The following PARVB variants were observed in gnomAD, a reference collection of about 807,000 sequenced individuals.
PARVB encodes parvin beta.
Under a neutral mutation model 47.0 loss-of-function variants are expected in PARVB, and 46 were observed. That is an observed-to-expected ratio of 0.98 (90% CI 0.77 to 1.25). The LOEUF (loss-of-function observed/expected upper bound fraction) is 1.25, where lower values mean the gene tolerates loss of function less well. Among genes scored for constraint, PARVB ranks in the 50% most tolerant of loss-of-function variants. The pLI, the probability that PARVB is intolerant of heterozygous loss-of-function variation, is 0.00. For synonymous variants in PARVB, 196 were observed against 196.3 expected (o/e 1.00, Z 0.01); for missense variants, 473 against 471.6 (o/e 1.00, Z -0.03).
Position 44,071,396 on chromosome 22 carries a change from A to G in PARVB, c.113-22532A>G, listed in dbSNP as rs139824973. 2.2e-3 allele frequency among the ~76,000 whole-genome samples: 331 copies of G among 152,284 alleles called. 1 individual carries two copies. Among genetic ancestry groups the G allele is most frequent in the African/African-American group, 7.6e-3 (317 of 41,552 alleles). ...ATCCACTGGGCTTCCTAAAATGCAA[A>G]CGAATTGAAAAGCTGTGCTGAATGT... On this transcript the variant is annotated intron_variant, in intron 1 of 12. Coordinates refer to ENST00000338758, the MANE Select transcript of PARVB (RefSeq NM_013327.5).
intron 6 of PARVB, 92 bp from the exon 7 acceptor site, chr22:44,136,368 A>G: frequency 9.0e-7 from 1 of 1,116,212 alleles, no homozygotes; most frequent in Non-Finnish European, 1.4e-6. Context: ...TTCTAAGATG[A>G]TCTCCGGCCC....
intron 7 of PARVB, among the ~76,000 whole-genome samples, chr22:44,137,769 C>G (rs1419129381): frequency 1.3e-5 from 2 of 152,124 alleles, no homozygotes; most frequent in Admixed American, 1.3e-4. Context: ...AGGGTGCTCT[C>G]AGGGTCCTGA....
At chr22:44,008,003 T>C (rs996955836) in intron 2 of PARVB, among the ~76,000 whole-genome samples, 7 of 152,224 alleles carry the variant, frequency 4.6e-5, no homozygotes, top group Admixed American at 2.0e-4. Context: ...CAGAATTTCA[T>C]GTATATACGC....
chr22:44,147,553 A>C, intron 8 of PARVB: 1 of 478,448 alleles, frequency 2.1e-6, no homozygotes, highest in Non-Finnish European at 4.0e-6. Context: ...AGGACGTGGC[A>C]GGTGCAGATG....
chr22:44,051,463 C>T (rs1289892648), intron 1 of PARVB, among the ~76,000 whole-genome samples: 1 of 152,174 alleles, frequency 6.6e-6, no homozygotes, highest in African/African-American at 2.4e-5. Context: ...TGTGGAGAGA[C>T]AAGCAGGTGA....
chr22:44,077,234 T>A (rs1325300399), intron 1 of PARVB, among the ~76,000 whole-genome samples: 1 of 152,194 alleles, frequency 6.6e-6, no homozygotes, highest in Admixed American at 6.5e-5. Flanking sequence ...GGATCCCCCT[T>A]GGCCTCTTCC....
In PARVB at chr22:44,057,856, G is replaced by A. The variant is rs193168381; in HGVS notation, c.112+33405G>A. Among the ~76,000 whole-genome samples, 32 of 152,172 alleles carry A rather than the reference G, an allele frequency of 2.1e-4. No homozygotes were observed. The East Asian group carries it at 6.0e-3, about 29-fold the overall frequency. ...TGCTTGCCTTGAGGGGAGGTTGGAC[G>A]GCTCAAGCAGGGACCAGGAGCCTCC... On this transcript the variant is annotated intron_variant, in intron 1 of 12. Coordinates refer to ENST00000338758, the MANE Select transcript of PARVB (RefSeq NM_013327.5).
At chr22:44,056,838 A>G (rs1424661272) in intron 1 of PARVB, among the ~76,000 whole-genome samples, 1 of 151,392 alleles carries the variant, frequency 6.6e-6, no homozygotes, top group East Asian at 1.9e-4. Context: ...GGTAATGATG[A>G]TAGCTCTCAG....
At chr22:44,005,088 A>C (rs1383091036) in intron 2 of PARVB, among the ~76,000 whole-genome samples, 1 of 152,156 alleles carries the variant, frequency 6.6e-6, no homozygotes, top group Non-Finnish European at 1.5e-5. Flanking sequence ...AATGATTAAA[A>C]AAATTTTATA....
intron 3 of PARVB, chr22:44,116,370 G>T (rs1025903109): frequency 6.6e-6 from 1 of 152,346 alleles, no homozygotes; most frequent in South Asian, 2.1e-4. Flanking sequence ...GTGCTCACCC[G>T]GTTTCTCCAC....
In PARVB at chr22:44,171,205, A is replaced by T. The variant is rs1199444340; in HGVS notation, c.*2527A>T. ...TCCCAGGGATTGGGATTTGAAAAGA[A>T]CAGAGCTTGGCCAGGTGCGGTGGCT... On this transcript the variant is annotated 3_prime_UTR_variant, in exon 13 of 13. Transcript: ENST00000338758. 1 of 152,342 alleles carries T rather than the reference A, an allele frequency of 6.6e-6. No individual in the cohort carries two copies. Among genetic ancestry groups the T allele is most frequent in the Non-Finnish European group, 1.5e-5 (1 of 68,140 alleles). 9.4% of individuals were successfully genotyped at this position (152,342 alleles called of 1,614,324 possible).
chr22:44,106,018 G>T, intron 3 of PARVB: 1 of 152,220 alleles, frequency 6.6e-6, no homozygotes, highest in Non-Finnish European at 1.5e-5. Flanking sequence ...TTAGTAGAGA[G>T]GGGGCTTCAC....
At chr22:44,164,942 T>G (rs2054134393) in intron 12 of PARVB, among the ~76,000 whole-genome samples, 1 of 152,192 alleles carries the variant, frequency 6.6e-6, no homozygotes, top group Non-Finnish European at 1.5e-5. Context: ...CATCCTCCTC[T>G]TGGGGTTTCA....
chr22:44,115,095 CACCA>C (rs1392906421), intron 3 of PARVB: 1,036 of 78,502 alleles, frequency 0.013, 492 homozygotes, highest in Admixed American at 0.021. Context: ...TAAGGCCCTG[CACCA>C]GAACGGATAC....
At chr22:44,156,749 G>A (rs144306170) in intron 10 of PARVB, among the ~76,000 whole-genome samples, 120 of 152,290 alleles carry the variant, frequency 7.9e-4, no homozygotes, top group African/African-American at 2.6e-3. Flanking sequence ...TAATTAAAGA[G>A]AAAGGTTAGC....
intron 4 of PARVB, among the ~76,000 whole-genome samples, chr22:44,130,062 G>A (rs2053276617): frequency 6.6e-6 from 1 of 152,216 alleles, no homozygotes; most frequent in Non-Finnish European, 1.5e-5. Context: ...AGACATGGGG[G>A]CCTCCAGCTA....
intron 1 of PARVB, among the ~76,000 whole-genome samples, chr22:44,025,764 C>G (rs1347764180): frequency 1.3e-5 from 2 of 152,234 alleles, no homozygotes; most frequent in Admixed American, 6.5e-5. Context: ...CATCAGCACC[C>G]TCACCAGAAA....
intron 1 of PARVB, among the ~76,000 whole-genome samples, chr22:44,026,799 G>A (rs1039979930): frequency 2.0e-5 from 3 of 147,702 alleles, no homozygotes; most frequent in Non-Finnish European, 3.0e-5. Context: ...ATGTGGCTCC[G>A]ACATGTTCCT....
At chr22:44,091,139 T>C (rs2052156675) in intron 1 of PARVB, among the ~76,000 whole-genome samples, 1 of 152,164 alleles carries the variant, frequency 6.6e-6, no homozygotes, top group Admixed American at 6.5e-5. Flanking sequence ...TGTAGCGTTA[T>C]GCTAAGGATT....
Sources: allele counts gnomAD v4.1 joint callset (sites outside exome capture counted in the v4.1 genomes callset), GRCh38; gene constraint gnomAD v4.1.1; transcripts MANE v1.5; gene names NCBI Gene and HGNC (gene_info 2026-07-23, HGNC 2026-07-21).